Variants in SUPT3H observed in about 807,000 individuals in gnomAD.
SUPT3H encodes the protein transcription initiation protein SPT3 homolog.
A neutral mutation model predicts 44.3 loss-of-function variants in SUPT3H; 44 were observed. The ratio of observed to expected loss-of-function variants is 0.99; its 90% CI spans 0.78 to 1.28. SUPT3H has a LOEUF of 1.28. Ranked by LOEUF, SUPT3H falls within the 50% of genes most tolerant of loss-of-function variation. The pLI is 0.00. For missense variants in SUPT3H, 380 were observed against 387.1 expected (o/e 0.98, Z 0.15); for synonymous variants, 124 against 125.6 (o/e 0.99, Z 0.09).
At chr6:44,953,204 A>T in intron 9 of SUPT3H, 106 bp downstream of exon 9, 1 of 815,362 alleles carries the variant, frequency 1.2e-6, no homozygotes, top group Admixed American at 2.3e-5. Flanking sequence ...TCTTTGACTG[A>T]AGGTTATACA....
At chr6:45,352,018 C>T (rs1005848549) in intron 2 of SUPT3H, among the ~76,000 whole-genome samples, 1 of 152,180 alleles carries the variant, frequency 6.6e-6, no homozygotes, top group Non-Finnish European at 1.5e-5. Context: ...AACTCCCCTA[C>T]CTCAAATCTT....
chr6:45,234,645 G>A (rs1768753512), intron 2 of SUPT3H, among the ~76,000 whole-genome samples: 1 of 151,890 alleles, frequency 6.6e-6, no homozygotes, highest in African/African-American at 2.4e-5. Context: ...AATAACTGCT[G>A]CAATTTTTAA....
chr6:44,823,823 C>A (rs984219476), downstream of SUPT3H, among the ~76,000 whole-genome samples: 3 of 152,024 alleles, frequency 2.0e-5, no homozygotes, highest in Non-Finnish European at 4.4e-5. Context: ...ATTAGCTGGG[C>A]GTGGTGGCAG....
intron 10 of SUPT3H, among the ~76,000 whole-genome samples, chr6:44,886,390 G>A (rs894776621): frequency 6.6e-6 from 1 of 152,082 alleles, no homozygotes; most frequent in African/African-American, 2.4e-5. Flanking sequence ...ACCCACAAAG[G>A]GAAGCCCATC....
intron 2 of SUPT3H, among the ~76,000 whole-genome samples, chr6:45,345,538 AAGAT>A (rs1562991878): frequency 6.6e-6 from 1 of 152,176 alleles, no homozygotes; most frequent in African/African-American, 2.4e-5. Flanking sequence ...CTAGTCCTCT[AAGAT>A]AGAAACCTTG....
At chr6:44,984,410 T>C (rs1779498738) in intron 6 of SUPT3H, among the ~76,000 whole-genome samples, 1 of 152,164 alleles carries the variant, frequency 6.6e-6, no homozygotes, top group African/African-American at 2.4e-5. Context: ...TTTTATTTTA[T>C]TGGTGTCTGA....
chr6:44,888,223 C>A (rs534770828), intron 10 of SUPT3H, among the ~76,000 whole-genome samples: 117 of 152,112 alleles, frequency 7.7e-4, no homozygotes, highest in African/African-American at 2.6e-3. Context: ...TGAAACTATT[C>A]CAATCAACAG....
At chr6:45,175,376 G>A (rs951082335) in intron 2 of SUPT3H, among the ~76,000 whole-genome samples, 1 of 152,252 alleles carries the variant, frequency 6.6e-6, no homozygotes, top group East Asian at 1.9e-4. Context: ...GGGGAAGCAA[G>A]GCACTTTCTT....
chr6:45,210,343 C>T (rs1763887568), intron 2 of SUPT3H, among the ~76,000 whole-genome samples: 1 of 152,140 alleles, frequency 6.6e-6, no homozygotes, highest in Non-Finnish European at 1.5e-5. Flanking sequence ...AGGACAAATG[C>T]ATATCTGATT....
chr6:45,184,769 G>C (rs1813875495), intron 2 of SUPT3H, among the ~76,000 whole-genome samples: 1 of 124,150 alleles, frequency 8.1e-6, no homozygotes, highest in African/African-American at 3.1e-5. Flanking sequence ...CCACCAACAG[G>C]CAGAGGAAAA....
intron 10 of SUPT3H, among the ~76,000 whole-genome samples, chr6:44,921,931 C>T (rs554959354): frequency 1.3e-5 from 2 of 152,322 alleles, no homozygotes; most frequent in South Asian, 2.1e-4. Context: ...AAACTCAGAG[C>T]CTGACACTGG....
At chr6:45,344,842 A>G (rs1790521494) in intron 2 of SUPT3H, among the ~76,000 whole-genome samples, 1 of 152,190 alleles carries the variant, frequency 6.6e-6, no homozygotes, top group African/African-American at 2.4e-5. Flanking sequence ...GATTCAGACT[A>G]TGACAAGGGA....
intron 2 of SUPT3H, among the ~76,000 whole-genome samples, chr6:45,364,782 CT>C (rs1281054510): frequency 6.6e-6 from 1 of 152,094 alleles, no homozygotes; most frequent in Non-Finnish European, 1.5e-5. Context: ...TTAAATTAGG[CT>C]TACTGAATTA....
At chr6:45,283,348 G>C (rs919474877) in intron 2 of SUPT3H, among the ~76,000 whole-genome samples, 1 of 152,010 alleles carries the variant, frequency 6.6e-6, no homozygotes, top group Non-Finnish European at 1.5e-5. Flanking sequence ...CCCACCTCAC[G>C]TGCAGAGACA....
chr6:45,086,823 T>C (rs1796528685), intron 3 of SUPT3H, among the ~76,000 whole-genome samples: 1 of 151,938 alleles, frequency 6.6e-6, no homozygotes, highest in South Asian at 2.1e-4. Context: ...TCTATTTCCA[T>C]AATTATTAAT....
intron 2 of SUPT3H, among the ~76,000 whole-genome samples, chr6:45,174,857 T>C (rs1811429312): frequency 6.6e-6 from 1 of 151,784 alleles, no homozygotes; most frequent in African/African-American, 2.4e-5. Context: ...TCTTCATTAA[T>C]TTCTCCTTAC....
At chr6:45,062,596 G>GA (rs1400546618) in intron 3 of SUPT3H, among the ~76,000 whole-genome samples, 6 of 152,190 alleles carry the variant, frequency 3.9e-5, no homozygotes, top group Admixed American at 3.3e-4. Context: ...GCAGGCCAGT[G>GA]GGTGCGCGCA....
intron 6 of SUPT3H, among the ~76,000 whole-genome samples, chr6:45,001,881 T>C (rs1351541269): frequency 6.6e-6 from 1 of 152,102 alleles, no homozygotes; most frequent in East Asian, 1.9e-4. Context: ...CCTATCAAAT[T>C]AGAAGCAGGC....
chr6:45,118,497 G>A (rs1801151175), intron 2 of SUPT3H, among the ~76,000 whole-genome samples: 1 of 151,928 alleles, frequency 6.6e-6, no homozygotes, highest in Non-Finnish European at 1.5e-5. Context: ...TTGACATCTG[G>A]CTTCTCTCTG....
Sources: gnomAD v4.1 joint callset for allele counts (sites outside exome capture counted in the v4.1 genomes callset) on GRCh38, gnomAD v4.1.1 for gene constraint, MANE v1.5 for transcripts, NCBI Gene and HGNC (gene_info 2026-07-23, HGNC 2026-07-21) for gene names.